MAGI1: variants seen among roughly 807,000 people sequenced by gnomAD.
The protein encoded by MAGI1 is membrane associated guanylate kinase, WW and PDZ domain containing 1.
In MAGI1, 58 loss-of-function variants were observed where a neutral mutation model predicts 139.9. That is an observed-to-expected ratio of 0.41 (90% CI 0.34 to 0.52). The LOEUF is 0.52. Ranked by LOEUF, MAGI1 falls within the 20% of genes least tolerant of loss-of-function variation. The pLI is 0.12. For synonymous variants in MAGI1, 812 were observed against 737.9 expected (o/e 1.10, Z -1.63); for missense variants, 1,874 against 1,901.6 (o/e 0.99, Z 0.27).
chr3:65,895,323 A>C (rs1443807854), intron 1 of MAGI1, among the ~76,000 whole-genome samples: 1 of 152,178 alleles, frequency 6.6e-6, no homozygotes, highest in African/African-American at 2.4e-5. Context: ...TCCAGCCCCT[A>C]TTCTCTCCAC....
intron 1 of MAGI1, among the ~76,000 whole-genome samples, chr3:65,969,357 G>A (rs1308588439): frequency 1.3e-5 from 2 of 152,152 alleles, no homozygotes; most frequent in South Asian, 2.1e-4. Flanking sequence ...TAGGGGCTGG[G>A]GGGTGGCTGT....
chr3:65,406,022 G>C (rs561156853), intron 12 of MAGI1, among the ~76,000 whole-genome samples: 1 of 152,118 alleles, frequency 6.6e-6, no homozygotes, highest in African/African-American at 2.4e-5. Context: ...CGCCACGCCC[G>C]GCCTCTATAC....
intron 1 of MAGI1, among the ~76,000 whole-genome samples, chr3:65,905,246 T>C (rs560455494): frequency 2.3e-4 from 35 of 152,278 alleles, no homozygotes; most frequent in African/African-American, 8.2e-4. Flanking sequence ...TGTTTCTTAT[T>C]TCCCAAAGTA....
At chr3:65,533,546 T>C (rs1209027686) in intron 2 of MAGI1, among the ~76,000 whole-genome samples, 2 of 152,176 alleles carry the variant, frequency 1.3e-5, no homozygotes, top group Admixed American at 6.5e-5. Context: ...CAAAAGGTCA[T>C]TAAATACGTA....
At position 65,364,841 on chromosome 3, in the gene MAGI1, G is replaced by A; in HGVS notation, c.3290+12C>T. 2 of 1,613,748 alleles carry A rather than the reference G, an allele frequency of 1.2e-6. No individual in the cohort carries two copies. Among genetic ancestry groups the A allele is most frequent in the Non-Finnish European group, 1.7e-6 (2 of 1,179,632 alleles). ...TTTTCCCCTTTAACAAAGGAAACCA[G>A]TCATGTCTGACCTTGTCTCCTGGGT... is the stretch of plus-strand genomic sequence containing the variant. On this transcript the variant is annotated intron_variant, in intron 19 of 22. Transcript: ENST00000402939.
chr3:65,940,090 G>A (rs1399978050), intron 1 of MAGI1, among the ~76,000 whole-genome samples: 1 of 152,116 alleles, frequency 6.6e-6, no homozygotes, highest in African/African-American at 2.4e-5. Flanking sequence ...CATGTGCCAG[G>A]AGCTAGGCTA....
chr3:65,910,147 T>C (rs960731993), intron 1 of MAGI1, among the ~76,000 whole-genome samples: 1 of 152,208 alleles, frequency 6.6e-6, no homozygotes, highest in Non-Finnish European at 1.5e-5. Context: ...TGGGGACCCC[T>C]CATCTAGCTC....
Position 65,430,756 on chromosome 3 carries a change from G to C in MAGI1, c.1489C>G (p.Gln497Glu). The C allele has an allele frequency of 6.2e-7, 1 of 1,613,632 alleles. No individual in the cohort carries two copies. The highest frequency in any genetic ancestry group is 8.5e-7 in the Non-Finnish European group (1 of 1,179,776). ...VGGDEPDEFL[Q>E]IKSLVLDGPA... ...CCATCTAGGACCAAGCTCTTGATCT[G>C]GAGAAACTCATCAGGTTCATCCCCT... The change falls in exon 11 of 23, where the codon CAG becomes GAG. Residue 497 changes from glutamine (Q) to glutamate (E), a missense_variant. Around this residue, in one of 5 missense-constraint regions of MAGI1, gnomAD observed 86 missense variants for 130.0 expected, o/e 0.66. Transcript: ENST00000402939.
chr3:65,775,139 C>T (rs1186300442), intron 1 of MAGI1, among the ~76,000 whole-genome samples: 1 of 151,916 alleles, frequency 6.6e-6, no homozygotes, highest in African/African-American at 2.4e-5. Flanking sequence ...TTCTGAAATC[C>T]TATGAATATA....
intron 22 of MAGI1, chr3:65,360,599 C>T: frequency 1.0e-6 from 1 of 985,354 alleles, no homozygotes. Flanking sequence ...CATTTAAAAA[C>T]ATTATGGCTA....
intron 2 of MAGI1, among the ~76,000 whole-genome samples, chr3:65,496,007 G>A (rs985604466): frequency 2.0e-5 from 3 of 152,148 alleles, no homozygotes; most frequent in Non-Finnish European, 4.4e-5. Flanking sequence ...TCCTTAGAAT[G>A]GTTTTGAGCA....
chr3:65,368,632 T>C (rs1368784018), intron 18 of MAGI1, among the ~76,000 whole-genome samples: 2 of 152,212 alleles, frequency 1.3e-5, no homozygotes, highest in African/African-American at 2.4e-5. Context: ...CTGTTGTAAA[T>C]ATTTTACTGG....
chr3:65,573,671 A>C (rs566039103), intron 2 of MAGI1, among the ~76,000 whole-genome samples: 2 of 152,264 alleles, frequency 1.3e-5, no homozygotes, highest in South Asian at 4.1e-4. Context: ...TTTTCCCTAA[A>C]ATTGAGAACA....
intron 1 of MAGI1, among the ~76,000 whole-genome samples, chr3:66,010,305 G>C (rs534123938): frequency 1.3e-5 from 2 of 152,222 alleles, no homozygotes; most frequent in South Asian, 4.1e-4. Flanking sequence ...GTGAGTCTCT[G>C]TTCTGTGGTG....
At chr3:65,393,144 T>C (rs1000672126) in intron 13 of MAGI1, among the ~76,000 whole-genome samples, 2 of 152,188 alleles carry the variant, frequency 1.3e-5, no homozygotes, top group Non-Finnish European at 2.9e-5. Flanking sequence ...CTCTGCCAAC[T>C]TCAACAGTTT....
At chr3:65,801,885 G>A (rs1040725723) in intron 1 of MAGI1, among the ~76,000 whole-genome samples, 4 of 152,198 alleles carry the variant, frequency 2.6e-5, no homozygotes, top group Admixed American at 2.6e-4. Context: ...AGCAGGATGG[G>A]GGCAGTAAAC....
At chr3:65,892,542 C>T (rs899998851) in intron 1 of MAGI1, among the ~76,000 whole-genome samples, 5 of 152,036 alleles carry the variant, frequency 3.3e-5, no homozygotes, top group South Asian at 2.1e-4. Flanking sequence ...ATCTAAAGAA[C>T]GTATATAAAA....
chr3:65,677,514 CT>C (rs1559778111), intron 1 of MAGI1, among the ~76,000 whole-genome samples: 1 of 152,160 alleles, frequency 6.6e-6, no homozygotes, highest in Non-Finnish European at 1.5e-5. Flanking sequence ...AAGAAAAACA[CT>C]GAGCAGAGTG....
chr3:65,498,967 G>C (rs2076978693), intron 2 of MAGI1: 1 of 980,306 alleles, frequency 1.0e-6, no homozygotes, highest in Non-Finnish European at 1.2e-6. Context: ...CCAGTACCAT[G>C]TCCCAAACAA....
Sources: gnomAD v4.1 joint callset for allele counts (sites outside exome capture counted in the v4.1 genomes callset) on GRCh38, gnomAD v4.1.1 for gene constraint, gnomAD v4.1.1 regional missense constraint, MANE v1.5 for transcripts, NCBI Gene and HGNC (gene_info 2026-07-23, HGNC 2026-07-21) for gene names.